Variants in LRRC42 observed in about 807,000 individuals in gnomAD.
The protein encoded by LRRC42 is leucine-rich repeat-containing protein 42.
LRRC42 carries 43 observed loss-of-function variants against 44.3 expected under a neutral mutation model. The observed-to-expected ratio is 0.97, with a 90% CI of 0.76 to 1.25. The LOEUF (loss-of-function observed/expected upper bound fraction) is 1.25, where lower values mean the gene tolerates loss of function less well. Ranked by LOEUF, LRRC42 falls within the 50% of genes most tolerant of loss-of-function variation. The pLI, the probability that LRRC42 is intolerant of heterozygous loss-of-function variation, is 0.00. For synonymous variants in LRRC42, 207 were observed against 195.2 expected, an observed-to-expected ratio of 1.06 and a Z score of -0.50; for missense variants, 540 against 509.1, an observed-to-expected ratio of 1.06 and a Z score of -0.58.
chr1:53,960,335 G>T (rs374145295), intron 4 of LRRC42, 21 bp from the exon 5 acceptor site: 1 of 1,514,632 alleles, frequency 6.6e-7, no homozygotes, highest in South Asian at 1.2e-5. Context: ...AGTAATTTAT[G>T]TATGTACTTT....
At chr1:53,961,919 A>T in intron 5 of LRRC42, 115 bp from the exon 6 acceptor site, 1 of 723,652 alleles carries the variant, frequency 1.4e-6, no homozygotes, top group East Asian at 2.6e-5. Flanking sequence ...AAAGTTTGCC[A>T]ACTCAAATGT....
At chr1:53,964,459 C>T (rs375017372) in intron 7 of LRRC42, among the ~76,000 whole-genome samples, 10 of 152,252 alleles carry the variant, frequency 6.6e-5, no homozygotes, top group Middle Eastern at 3.4e-3. Context: ...TCAAATTCAG[C>T]TTGTCCCGAA....
chr1:53,952,076 TGGTCAATCTG>T lies in LRRC42; in HGVS notation c.79_88del (p.Val27LeufsTer28). ...ATGCGAGAAAATGGGCAGCTGCACA[TGGTCAATCTG>T]GCTCTGGATGGTGTCAGGAGTAGCC... On this transcript the variant is annotated frameshift_variant, in exon 3 of 9. Coordinates refer to ENST00000371370, the MANE Select transcript of LRRC42 (RefSeq NM_001256409.2). LOFTEE classifies it high-confidence loss of function. 1 of 1,614,182 alleles carries T rather than the reference TGGTCAATCTG, an allele frequency of 6.2e-7. No individual in the cohort carries two copies. Among genetic ancestry groups the T allele is most frequent in the East Asian group, 2.2e-5 (1 of 44,892 alleles).
At chr1:53,953,605 C>A (rs544506479) in intron 3 of LRRC42, among the ~76,000 whole-genome samples, 2 of 151,996 alleles carry the variant, frequency 1.3e-5, no homozygotes, top group Admixed American at 6.5e-5. Flanking sequence ...ATGATCCTCC[C>A]GCCTCAGCCT....
Position 53,952,200 on chromosome 1 carries a change from G to A in LRRC42, c.201G>A (p.Glu67=). The part of the protein sequence containing the change: ...MNREDDTARK[E]KTDHFIFTYT... Reference sequence around the variant, plus strand: ...GGGAAGACGACACTGCACGGAAAGAGAAGACTGATCATTTCATCTTCACAT... The same window carrying A: ...GGGAAGACGACACTGCACGGAAAGAAAAGACTGATCATTTCATCTTCACAT... Residue 67 remains glutamate, a synonymous_variant, in exon 3 of 9, where the codon GAG becomes GAA. Transcript: ENST00000371370. 1 of 1,614,160 alleles carries A rather than the reference G, an allele frequency of 6.2e-7. No individual in the cohort carries two copies. Among genetic ancestry groups the A allele is most frequent in the Non-Finnish European group, 8.5e-7 (1 of 1,179,964 alleles).
Position 53,958,187 on chromosome 1 carries a change from C to T in LRRC42, c.512C>T (p.Ser171Phe). Residue 171 changes from serine to phenylalanine, a missense_variant, in exon 4 of 9, where the codon TCT becomes TTT. Ser to Phe is a radical substitution (Grantham distance 155). Transcript: ENST00000371370. ...TCAGAAAAGCTTGAGGAGATTAAGT[C>T]TTTCCGGGAGCTGACCTGCCTGGAT... The part of the protein sequence containing the change: ...VISEKLEEIK[S>F]FRELTCLDLS... 1 of 1,613,928 alleles carries T rather than the reference C, an allele frequency of 6.2e-7. No individual in the cohort carries two copies. The highest frequency in any genetic ancestry group is 8.5e-7 in the Non-Finnish European group (1 of 1,179,854).
intron 6 of LRRC42, 43 bp downstream of exon 6, chr1:53,962,165 A>G (rs759356424): frequency 2.7e-5 from 41 of 1,545,646 alleles, no homozygotes; most frequent in Non-Finnish European, 3.6e-5. Flanking sequence ...AGACTCAACA[A>G]TTTGATATTT....
rs1262024268 is a variant in LRRC42 at position 53,967,966 on chromosome 1, T to C, written c.*27T>C. The C allele has an allele frequency of 6.3e-7, 1 of 1,599,312 alleles. No homozygotes were observed. The highest frequency in any genetic ancestry group is 8.5e-7 in the Non-Finnish European group (1 of 1,170,624). On this transcript the variant is annotated 3_prime_UTR_variant, in exon 9 of 9. Transcript: ENST00000371370. The stretch of plus-strand genomic sequence containing the variant: ...TAGTAGATACAAGTTGACCTTTCTC[T>C]GGCCCCCAGCTCTAGTGTTTGAGTA...
At chr1:53,948,628 T>C (rs1022107531) in intron 2 of LRRC42, among the ~76,000 whole-genome samples, 1 of 152,214 alleles carries the variant, frequency 6.6e-6, no homozygotes, top group Non-Finnish European at 1.5e-5. Context: ...ATACAGCTAC[T>C]ACGATCTACA....
In LRRC42 at chr1:53,952,265, T is replaced by C. The variant is rs1456059579; in HGVS notation, c.266T>C (p.Leu89Pro). 1 of 1,614,260 alleles carries C rather than the reference T, an allele frequency of 6.2e-7. No individual in the cohort carries two copies. The highest frequency in any genetic ancestry group is 8.5e-7 in the Non-Finnish European group (1 of 1,180,046). The change falls in exon 3 of 9, where the codon CTC becomes CCC. Residue 89 changes from leucine (L) to proline (P), a missense_variant. Coordinates refer to ENST00000371370, the MANE Select transcript of LRRC42 (RefSeq NM_001256409.2). ...AATCTTCGGTACTCCGCCAAATCCC[T>C]CTTCAGCCTTGTCCTGGGTTTCATC... The part of the protein sequence containing the change: ...EGNLRYSAKS[L>P]FSLVLGFISD...
At chr1:53,951,065 A>G (rs1047062191) in intron 2 of LRRC42, among the ~76,000 whole-genome samples, 19 of 152,228 alleles carry the variant, frequency 1.2e-4, no homozygotes. Flanking sequence ...CCTTTTCTCA[A>G]GGAGCCCAAA....
chr1:53,967,002 A>C (rs955109486), intron 8 of LRRC42, among the ~76,000 whole-genome samples: 5 of 152,184 alleles, frequency 3.3e-5, no homozygotes, highest in African/African-American at 1.2e-4. Flanking sequence ...AGATAAAAAG[A>C]GTTCTGGAGA....
In LRRC42 at chr1:53,964,499, G is replaced by A. The variant is rs918169848; in HGVS notation, c.928-1797G>A. ...ACTCATTTTCTTCTTCCCCATCCCC[G>A]ACCAGCTCTTATTGACATTCTTATT... On this transcript the variant is annotated intron_variant, in intron 7 of 8. Transcript: ENST00000371370. Among the ~76,000 whole-genome samples, 15 of 152,102 alleles carry A rather than the reference G, an allele frequency of 9.9e-5. No individual in the cohort carries two copies. In the East Asian group the frequency reaches 2.5e-3, roughly 25 times the overall value.
rs1386516709 is a variant in LRRC42, at chr1:53,960,424, T to A, written c.674T>A (p.Val225Asp). 4 of 1,614,046 alleles carry A rather than the reference T, an allele frequency of 2.5e-6. No homozygotes were observed. The South Asian group carries it at 3.3e-5, about 13-fold the overall frequency. The change falls in exon 5 of 9, where the codon GTT becomes GAT. Residue 225 changes from valine (V) to aspartate (D), a missense_variant. Physicochemically the swap from Val to Asp is radical, Grantham distance 152. Coordinates refer to ENST00000371370, the MANE Select transcript of LRRC42 (RefSeq NM_001256409.2). ...DAGVRKMTAP[V>D]RVMKRGLENL... ...GGGGTGCGGAAGATGACAGCACCAGTTCGAGTGATGAAAAGAGGCCTTGAG... is the reference window on the plus strand; with the variant it reads ...GGGGTGCGGAAGATGACAGCACCAGATCGAGTGATGAAAAGAGGCCTTGAG...
chr1:53,948,164 A>G (rs1386679949), intron 2 of LRRC42, among the ~76,000 whole-genome samples: 4 of 152,180 alleles, frequency 2.6e-5, no homozygotes. Context: ...TACTGCTACA[A>G]CTTGTTATTC....
In LRRC42 at chr1:53,952,210, C is replaced by G; in HGVS notation, c.211C>G (p.His71Asp). ...CACTGCACGGAAAGAGAAGACTGAT[C>G]ATTTCATCTTCACATACACCCGAGA... The part of the protein sequence containing the change: ...DDTARKEKTD[H>D]FIFTYTREGN... Residue 71 changes from histidine (H) to aspartate (D), a missense_variant, in exon 3 of 9, where the codon CAT becomes GAT. By Grantham distance (81) the His-to-Asp change is moderately conservative. Coordinates refer to ENST00000371370, the MANE Select transcript of LRRC42 (RefSeq NM_001256409.2). The G allele has an allele frequency of 6.2e-7, 1 of 1,614,230 alleles. No homozygotes were observed. Among genetic ancestry groups the G allele is most frequent in the South Asian group, 1.1e-5 (1 of 91,078 alleles).
intron 4 of LRRC42, 114 bp from the exon 5 acceptor site, chr1:53,960,242 C>A: frequency 1.4e-6 from 1 of 731,138 alleles, no homozygotes; most frequent in Non-Finnish European, 2.3e-6. Flanking sequence ...TATGAAATAG[C>A]AAGAGGTAGA....
Position 53,952,391 on chromosome 1 carries a change from C to G in LRRC42, c.392C>G (p.Pro131Arg), listed in dbSNP as rs987237071. 1.2e-6 allele frequency: 2 copies of G among 1,613,848 alleles called. No individual in the cohort carries two copies. The highest frequency in any genetic ancestry group is 2.7e-5 in the African/African-American group (2 of 74,936). ...AAEARQKFTE[P>R]GAGLRALQKF... is the part of the protein sequence containing the mutation. ...GAAGCCAGACAGAAATTCACTGAGCCAGGTGCAGGGCTGAGGGCTTTACAG... is the reference window on the plus strand; with the variant it reads ...GAAGCCAGACAGAAATTCACTGAGCGAGGTGCAGGGCTGAGGGCTTTACAG... Residue 131 changes from proline (P) to arginine (R), a missense_variant, in exon 3 of 9, where the codon CCA (proline) becomes CGA (arginine). Physicochemically the swap from Pro to Arg is moderately radical, Grantham distance 103 (BLOSUM62 -2). Coordinates refer to ENST00000371370, the MANE Select transcript of LRRC42 (RefSeq NM_001256409.2).
intron 2 of LRRC42, among the ~76,000 whole-genome samples, chr1:53,950,818 T>C (rs533430635): frequency 6.6e-6 from 1 of 152,362 alleles, no homozygotes; most frequent in African/African-American, 2.4e-5. Context: ...CTGTTTGACT[T>C]TTTTATGTTA....
Sources: allele counts gnomAD v4.1 joint callset (sites outside exome capture counted in the v4.1 genomes callset), GRCh38; gene constraint gnomAD v4.1.1; transcripts MANE v1.5; gene names NCBI Gene and HGNC (gene_info 2026-07-23, HGNC 2026-07-21).